RAB11FIP2: variants seen among roughly 807,000 people sequenced by gnomAD.
The protein encoded by RAB11FIP2 is RAB11 family interacting protein 2, also known as rab11 family-interacting protein 2.
RAB11FIP2 carries 16 observed loss-of-function variants against 40.9 expected under a neutral mutation model. That is an observed-to-expected ratio of 0.39 (90% CI 0.26 to 0.59). The LOEUF (loss-of-function observed/expected upper bound fraction) is 0.59. RAB11FIP2 is among the 20% of genes least tolerant of loss of function. The pLI is 0.53. For missense variants in RAB11FIP2, 532 were observed against 606.2 expected (o/e 0.88, Z 1.28); for synonymous variants, 228 against 213.7 (o/e 1.07, Z -0.58).
Position 118,046,489 on chromosome 10 carries a change from G to C in RAB11FIP2, c.-326C>G, listed in dbSNP as rs1348872095. The C allele has an allele frequency of 6.6e-5, 15 of 226,904 alleles. No individual in the cohort carries two copies. In the East Asian group the frequency reaches 1.3e-3, roughly 20 times the overall value. The allele number at this position is 226,904 out of a possible 1,614,324, so 14.1% of individuals were successfully genotyped here. On this transcript the variant is annotated 5_prime_UTR_variant, in exon 1 of 5. Coordinates refer to ENST00000355624, the MANE Select transcript of RAB11FIP2 (RefSeq NM_014904.3). The stretch of plus-strand genomic sequence containing the variant: ...ACGTGAGGCCTGGCCACACGGACCC[G>C]GGCGGAGGGCTGCGGGGGTGAAGGG...
intron 3 of RAB11FIP2, among the ~76,000 whole-genome samples, chr10:118,022,219 C>T (rs1846290357): frequency 1.3e-5 from 2 of 152,178 alleles, no homozygotes; most frequent in Admixed American, 6.5e-5. Context: ...GAACTCTCAT[C>T]GTTTCCTCCC....
chr10:118,033,931 G>A (rs11198243), intron 3 of RAB11FIP2: 122,351 of 700,582 alleles, frequency 0.17, 12,149 homozygotes, highest in Middle Eastern at 0.24. Context: ...GCTATTCCTC[G>A]TCAGGTGGGC....
At chr10:118,011,007 G>C (rs1464423599) in intron 4 of RAB11FIP2, among the ~76,000 whole-genome samples, 1 of 151,740 alleles carries the variant, frequency 6.6e-6, no homozygotes, top group African/African-American at 2.4e-5. Flanking sequence ...AAAATAGGAA[G>C]CCACTGAAGG....
At chr10:118,012,925 C>A (rs1465518449) in intron 4 of RAB11FIP2, among the ~76,000 whole-genome samples, 1 of 152,018 alleles carries the variant, frequency 6.6e-6, no homozygotes, top group Non-Finnish European at 1.5e-5. Flanking sequence ...TGTCCATATG[C>A]AGACATAGAA....
chr10:118,036,011 G>A (rs930713178), intron 3 of RAB11FIP2, among the ~76,000 whole-genome samples: 1 of 151,990 alleles, frequency 6.6e-6, no homozygotes, highest in African/African-American at 2.4e-5. Context: ...GGTATTTTTT[G>A]TGGTTTCCAA....
intron 1 of RAB11FIP2, among the ~76,000 whole-genome samples, chr10:118,042,329 A>G (rs1647025510): frequency 6.6e-6 from 1 of 152,186 alleles, no homozygotes; most frequent in African/African-American, 2.4e-5. Context: ...TTTAGAGATA[A>G]GACCAATAAA....
rs2240778 is a variant in RAB11FIP2, at chr10:118,046,173, T to C, written c.-10A>G. ...GCTCGGACAGCATCATCCTGTCCTG[T>C]TTCTCTGCCCCCGAGTTCCCTAGCA... On this transcript the variant is annotated 5_prime_UTR_variant, in exon 1 of 5. Coordinates refer to ENST00000355624, the MANE Select transcript of RAB11FIP2 (RefSeq NM_014904.3). The C allele has an allele frequency of 0.05, 81,001 of 1,608,210 alleles. 6,533 individuals carry two copies. Among genetic ancestry groups the C allele is most frequent in the East Asian group, 0.44 (19,635 of 44,820 alleles).
At chr10:118,039,877 A>C in intron 2 of RAB11FIP2, 1 of 439,336 alleles carries the variant, frequency 2.3e-6, no homozygotes, top group African/African-American at 2.0e-5. Flanking sequence ...ACAGGCAGCC[A>C]AGCCATAAAA....
intron 3 of RAB11FIP2, among the ~76,000 whole-genome samples, chr10:118,035,606 C>T (rs1345440186): frequency 1.3e-5 from 2 of 152,046 alleles, no homozygotes; most frequent in African/African-American, 4.8e-5. Flanking sequence ...ATACTGTGTG[C>T]GTTTATTCAA....
chr10:118,024,470 C>CGTGTGAGTGT (rs1846319627), intron 3 of RAB11FIP2, among the ~76,000 whole-genome samples: 1 of 131,726 alleles, frequency 7.6e-6, no homozygotes, highest in Non-Finnish European at 1.6e-5. Context: ...TCATCATCAT[C>CGTGTGAGTGT]GTGTGTGTGT....
chr10:118,026,324 T>G (rs1215512013), intron 3 of RAB11FIP2, among the ~76,000 whole-genome samples: 1 of 152,238 alleles, frequency 6.6e-6, no homozygotes, highest in African/African-American at 2.4e-5. Flanking sequence ...GAATATTTAT[T>G]TTTTAAAACC....
chr10:118,035,250 A>C (rs891927599), intron 3 of RAB11FIP2, among the ~76,000 whole-genome samples: 1 of 152,156 alleles, frequency 6.6e-6, no homozygotes, highest in Admixed American at 6.5e-5. Context: ...AGTGAGCAAT[A>C]AACTTTTGCT....
intron 3 of RAB11FIP2, among the ~76,000 whole-genome samples, chr10:118,017,094 A>T (rs553455239): frequency 2.0e-5 from 3 of 152,260 alleles, no homozygotes; most frequent in Non-Finnish European, 4.4e-5. Flanking sequence ...TCTTCATTTT[A>T]AAGGTAAGGA....
Position 118,040,279 on chromosome 10 carries a change from G to A in RAB11FIP2, c.640C>T (p.Pro214Ser). ...AGTCGCTGAGGACCCAAGAGAAAAG[G>A]CTTTTTTGGTTTGGATTTCATCTGT... ...EIQMKSKPKK[P>S]FLLGPQRLSS... The change falls in exon 2 of 5, where the codon CCT becomes TCT. Residue 214 changes from proline (P) to serine (S), a missense_variant. Physicochemically the swap from Pro to Ser is moderately conservative, Grantham distance 74. Transcript: ENST00000355624. 4 of 1,613,844 alleles carry A rather than the reference G, an allele frequency of 2.5e-6. No homozygotes were observed. Among genetic ancestry groups the A allele is most frequent in the Non-Finnish European group, 3.4e-6 (4 of 1,179,814 alleles).
intron 3 of RAB11FIP2, among the ~76,000 whole-genome samples, chr10:118,026,606 C>A (rs1846347015): frequency 6.6e-6 from 1 of 152,202 alleles, no homozygotes; most frequent in Non-Finnish European, 1.5e-5. Context: ...ATCTTTCTTA[C>A]TATCACAGTC....
At chr10:118,024,593 C>G (rs1348706733) in intron 3 of RAB11FIP2, among the ~76,000 whole-genome samples, 1 of 151,864 alleles carries the variant, frequency 6.6e-6, no homozygotes, top group Non-Finnish European at 1.5e-5. Flanking sequence ...AAACCCAGCA[C>G]AGGCTCTGCC....
intron 3 of RAB11FIP2, among the ~76,000 whole-genome samples, chr10:118,030,254 T>C (rs969989721): frequency 3.9e-5 from 6 of 152,114 alleles, no homozygotes; most frequent in African/African-American, 1.4e-4. Context: ...CCAAAAACCT[T>C]ACATGCTGAT....
At chr10:118,039,848 T>A (rs774915180) in intron 2 of RAB11FIP2, 1 of 405,894 alleles carries the variant, frequency 2.5e-6, no homozygotes, top group African/African-American at 2.1e-5. Flanking sequence ...GGTTTTGAGA[T>A]AGCAGAAACA....
chr10:118,039,610 T>G, intron 2 of RAB11FIP2, 170 bp from the exon 3 acceptor site: 1 of 624,968 alleles, frequency 1.6e-6, no homozygotes. Flanking sequence ...TGTAGCAGTC[T>G]GAAGCATCGA....
Sources: allele counts gnomAD v4.1 joint callset (sites outside exome capture counted in the v4.1 genomes callset), GRCh38; gene constraint gnomAD v4.1.1; transcripts MANE v1.5; gene names NCBI Gene and HGNC (gene_info 2026-07-23, HGNC 2026-07-21).